Variants in MROH9 observed in about 807,000 individuals in gnomAD.
The protein encoded by MROH9 is maestro heat-like repeat-containing protein family member 9.
MROH9 carries 92 observed loss-of-function variants against 98.2 expected under a neutral mutation model. That is an observed-to-expected ratio of 0.94 (90% confidence interval 0.79 to 1.11). MROH9 has a LOEUF of 1.11. Among genes scored for constraint, MROH9 ranks in the 50% most tolerant of loss-of-function variants. The probability of loss-of-function intolerance (pLI) is 0.00; values close to 1 mark genes in which losing one functional copy is unlikely to be tolerated. For missense variants in MROH9, 1,057 were observed against 1,014.8 expected, an observed-to-expected ratio of 1.04 and a Z score of -0.57; for synonymous variants, 397 against 368.9, an observed-to-expected ratio of 1.08 and a Z score of -0.87.
intron 6 of MROH9, among the ~76,000 whole-genome samples, chr1:170,963,362 T>C (rs986286749): frequency 6.6e-6 from 1 of 152,052 alleles, no homozygotes; most frequent in Non-Finnish European, 1.5e-5. Flanking sequence ...GAAAAATAAA[T>C]GTTTATACAC....
At chr1:171,041,719 CT>C (rs1653312530) in intron 20 of MROH9, among the ~76,000 whole-genome samples, 1 of 151,922 alleles carries the variant, frequency 6.6e-6, no homozygotes, top group South Asian at 2.1e-4. Flanking sequence ...TTCTCTGTAA[CT>C]TCATCAACAT....
At chr1:170,952,060 A>G (rs1284191803) in intron 3 of MROH9, among the ~76,000 whole-genome samples, 2 of 151,802 alleles carry the variant, frequency 1.3e-5, no homozygotes, top group African/African-American at 4.8e-5. Flanking sequence ...ATACCATCTC[A>G]CACCAGTTAG....
At chr1:170,956,582 C>CTTTTTTT (rs869218785) in intron 3 of MROH9, among the ~76,000 whole-genome samples, 7 of 114,920 alleles carry the variant, frequency 6.1e-5, no homozygotes, top group African/African-American at 1.1e-4. Context: ...TTTCTCTTTC[C>CTTTTTTT]TTTTTTTTTT....
chr1:170,983,501 G>A lies in MROH9; in HGVS notation c.696G>A (p.Lys232=). Residue 232 remains lysine, a synonymous_variant, in exon 9 of 22, where the codon AAG becomes AAA. Coordinates refer to ENST00000367759, the MANE Select transcript of MROH9 (RefSeq NM_001163629.2). ...CTTCTGATGTAGAATTTCTACCCAA[G>A]GAGTTTCAACAAGACGAAAGTAAAA... is the stretch of plus-strand genomic sequence containing the variant. ...FPSSDVEFLP[K]EFQQDESKIA... The A allele has an allele frequency of 6.2e-7, 1 of 1,612,988 alleles. No individual in the cohort carries two copies. The highest frequency in any genetic ancestry group is 2.2e-5 in the East Asian group (1 of 44,764).
At chr1:171,010,929 C>A (rs1391361701) in intron 15 of MROH9, among the ~76,000 whole-genome samples, 2 of 152,150 alleles carry the variant, frequency 1.3e-5, no homozygotes, top group African/African-American at 4.8e-5. Flanking sequence ...TTTTGCTGTG[C>A]AGAAGCTCTT....
intron 3 of MROH9, 108 bp from the exon 4 acceptor site, chr1:170,958,353 G>A: frequency 1.8e-6 from 1 of 543,052 alleles, no homozygotes; most frequent in Admixed American, 3.3e-5. Flanking sequence ...AGTCTGATTT[G>A]GTTCCTTTAG....
intron 20 of MROH9, among the ~76,000 whole-genome samples, chr1:171,047,297 G>A (rs1189369847): frequency 6.6e-6 from 1 of 152,056 alleles, no homozygotes; most frequent in Non-Finnish European, 1.5e-5. Flanking sequence ...TAAGGCCAGT[G>A]ACTCTTAGAT....
chr1:171,042,320 C>T (rs1653334568), intron 20 of MROH9, among the ~76,000 whole-genome samples: 1 of 152,018 alleles, frequency 6.6e-6, no homozygotes, highest in African/African-American at 2.4e-5. Flanking sequence ...GACTGGATCT[C>T]ACTCTATTTA....
rs1649381205 is a variant in MROH9 at position 170,947,555 on chromosome 1, T to TG, written c.55dup (p.Val19GlyfsTer9). On this transcript the variant is annotated frameshift_variant, in exon 3 of 22. Coordinates refer to ENST00000367759, the MANE Select transcript of MROH9 (RefSeq NM_001163629.2). LOFTEE classifies it high-confidence loss of function. ...GTAGTCTCCAGATTCTGCAAGACAG[T>TG]GTGAAATGGCACCACATGGTAAGTG... is the stretch of plus-strand genomic sequence containing the variant. The TG allele has an allele frequency of 1.9e-6, 3 of 1,610,860 alleles. No homozygotes were observed. Among genetic ancestry groups the TG allele is most frequent in the Non-Finnish European group, 2.5e-6 (3 of 1,177,804 alleles).
intron 7 of MROH9, 60 bp downstream of exon 7, chr1:170,965,315 C>A: frequency 8.7e-7 from 1 of 1,143,904 alleles, no homozygotes; most frequent in Non-Finnish European, 1.3e-6. Flanking sequence ...CATAGTGCTG[C>A]TTTCCATGTC....
intron 20 of MROH9, among the ~76,000 whole-genome samples, chr1:171,056,044 G>A (rs140670533): frequency 7.9e-5 from 12 of 152,304 alleles, no homozygotes; most frequent in African/African-American, 2.9e-4. Context: ...CACCACCGGG[G>A]CCTAGGGCCT....
chr1:170,987,471 C>A (rs557253193), intron 10 of MROH9, among the ~76,000 whole-genome samples: 5 of 152,310 alleles, frequency 3.3e-5, no homozygotes, highest in Admixed American at 6.5e-5. Context: ...TAAGCACATG[C>A]AGTGTTCGCC....
At chr1:170,994,499 A>G (rs1651480460) in intron 12 of MROH9, among the ~76,000 whole-genome samples, 1 of 152,162 alleles carries the variant, frequency 6.6e-6, no homozygotes, top group African/African-American at 2.4e-5. Context: ...GAGTAGGTGT[A>G]TATATTTATG....
chr1:170,985,942 G>A (rs1421372854), intron 9 of MROH9, among the ~76,000 whole-genome samples: 2 of 123,800 alleles, frequency 1.6e-5, no homozygotes, highest in African/African-American at 5.6e-5. Context: ...CTCTGTACTT[G>A]GGAGAATGAC....
At chr1:171,001,847 C>T (rs1651795017) in intron 15 of MROH9, among the ~76,000 whole-genome samples, 1 of 151,918 alleles carries the variant, frequency 6.6e-6, no homozygotes, top group Non-Finnish European at 1.5e-5. Flanking sequence ...GTATGAAGTC[C>T]CCCACTATTA....
intron 20 of MROH9, among the ~76,000 whole-genome samples, chr1:171,025,943 G>C (rs1652696038): frequency 6.6e-6 from 1 of 152,224 alleles, no homozygotes; most frequent in East Asian, 1.9e-4. Context: ...CTCTCACTGT[G>C]AAAATAAAAA....
chr1:170,982,209 G>A (rs1650958295), intron 8 of MROH9, among the ~76,000 whole-genome samples: 1 of 152,010 alleles, frequency 6.6e-6, no homozygotes, highest in South Asian at 2.1e-4. Context: ...CCATTAACAA[G>A]CAAATAGATA....
At chr1:171,002,920 C>T (rs971594948) in intron 15 of MROH9, among the ~76,000 whole-genome samples, 2 of 151,876 alleles carry the variant, frequency 1.3e-5, no homozygotes, top group African/African-American at 4.8e-5. Flanking sequence ...TAACATAATC[C>T]CAGACTTCTT....
chr1:170,944,301 G>A (rs1027789715), intron 1 of MROH9, among the ~76,000 whole-genome samples: 2 of 151,840 alleles, frequency 1.3e-5, no homozygotes, highest in African/African-American at 4.8e-5. Context: ...TAAACCTTTC[G>A]TATTAAAGAA....
Sources: gnomAD v4.1 joint callset for allele counts (sites outside exome capture counted in the v4.1 genomes callset) on GRCh38, gnomAD v4.1.1 for gene constraint, MANE v1.5 for transcripts, NCBI Gene and HGNC (gene_info 2026-07-23, HGNC 2026-07-21) for gene names.